The following IL17RD variants were observed in gnomAD, a reference collection of about 807,000 sequenced individuals.
The protein encoded by IL17RD is interleukin-17 receptor D.
In IL17RD, 52 loss-of-function variants were observed where a neutral mutation model predicts 80.5. The observed-to-expected ratio is 0.65, with a 90% CI of 0.52 to 0.81. The LOEUF is 0.81. IL17RD is among the 40% of genes least tolerant of loss of function. The pLI is 0.00. For synonymous variants in IL17RD, 416 were observed against 391.8 expected (o/e 1.06, Z -0.73); for missense variants, 1,024 against 955.1 (o/e 1.07, Z -0.95).
intron 2 of IL17RD, among the ~76,000 whole-genome samples, chr3:57,115,775 G>T (rs1707202934): frequency 6.6e-6 from 1 of 152,056 alleles, no homozygotes; most frequent in East Asian, 1.9e-4. Flanking sequence ...CTCTCTTTTA[G>T]TATCTGCTGC....
Position 57,098,410 on chromosome 3 carries a change from G to A in IL17RD, c.1293C>T (p.Asp431=), listed in dbSNP as rs762421578. 1.5e-5 allele frequency: 25 copies of A among 1,613,834 alleles called. No individual in the cohort carries two copies. The highest frequency in any genetic ancestry group is 2.0e-5 in the Non-Finnish European group (24 of 1,179,878). The change falls in exon 12 of 13, where the codon GAC becomes GAT. Residue 431 remains aspartate, a synonymous_variant. Transcript: ENST00000296318. ...VCSKGMKYFV[D]KKNYKHKGGG... Reference sequence around the variant, plus strand: ...CTCCTTTGTGTTTGTAGTTCTTCTTGTCCACAAAGTACTTCATACCTTTGG... The same window carrying A: ...CTCCTTTGTGTTTGTAGTTCTTCTTATCCACAAAGTACTTCATACCTTTGG...
intron 1 of IL17RD, among the ~76,000 whole-genome samples, chr3:57,135,154 C>A (rs1370841367): frequency 6.7e-6 from 1 of 149,192 alleles, no homozygotes; most frequent in African/African-American, 2.5e-5. Context: ...ACAAAAAAAA[C>A]AAAGAATGGG....
chr3:57,168,516 G>A (rs760209628), upstream of IL17RD, among the ~76,000 whole-genome samples: 24 of 152,270 alleles, frequency 1.6e-4, no homozygotes, highest in Non-Finnish European at 3.2e-4. Context: ...GGGATGGGGA[G>A]GCCCTCCTAT....
chr3:57,098,169 G>C lies in IL17RD; in HGVS notation c.1534C>G (p.His512Asp). The change falls in exon 12 of 13, where the codon CAC becomes GAC. Residue 512 changes from histidine to aspartate, a missense_variant. His to Asp is a moderately conservative substitution (Grantham distance 81). Coordinates refer to ENST00000296318, the MANE Select transcript of IL17RD (RefSeq NM_017563.5). The part of the protein sequence containing the change: ...DNLPQLCSHL[H>D]SRDHGLQEPG... ...TCCTGGAGGCCGTGGTCTCGGGAGT[G>C]CAAGTGGGAACAGAGCTGAGGAAGA... 6.2e-7 allele frequency: 1 copy of C among 1,613,990 alleles called. No homozygotes were observed. The highest frequency in any genetic ancestry group is 1.6e-4 in the Middle Eastern group (1 of 6,062).
chr3:57,122,132 ATAAG>A (rs1328143659), intron 1 of IL17RD, among the ~76,000 whole-genome samples: 2 of 152,236 alleles, frequency 1.3e-5, no homozygotes, highest in Non-Finnish European at 2.9e-5. Context: ...AGAGCCTGGC[ATAAG>A]TAAGTACAGT....
chr3:57,101,422 A>G (rs1163244001), intron 10 of IL17RD, 59 bp from the exon 11 acceptor site: 1 of 1,171,470 alleles, frequency 8.5e-7, no homozygotes, highest in Non-Finnish European at 1.2e-6. Context: ...TCTATTTCCT[A>G]AGAATTGAAA....
upstream of IL17RD, chr3:57,169,266 A>G: frequency 1.9e-6 from 1 of 518,100 alleles, no homozygotes; most frequent in South Asian, 1.4e-5. Context: ...GTCCAGTCAC[A>G]CTTTCAGCCA....
At chr3:57,115,756 T>G (rs1378632436) in intron 2 of IL17RD, among the ~76,000 whole-genome samples, 1 of 152,170 alleles carries the variant, frequency 6.6e-6, no homozygotes, top group African/African-American at 2.4e-5. Context: ...ATGATCAGAC[T>G]TGAACACCCT....
chr3:57,114,677 T>C lies in IL17RD; in HGVS notation c.310+15A>G, dbSNP rs1268512618. Reference sequence around the variant, plus strand: ...ACCCAGGTTATCACCATGCACTCGATTTTTGACCACTCACCGAGGGCCCCT... The same window carrying C: ...ACCCAGGTTATCACCATGCACTCGACTTTTGACCACTCACCGAGGGCCCCT... On this transcript the variant is annotated intron_variant, in intron 3 of 12. Coordinates refer to ENST00000296318, the MANE Select transcript of IL17RD (RefSeq NM_017563.5). 1.4e-5 allele frequency: 22 copies of C among 1,594,084 alleles called. No individual in the cohort carries two copies. Among genetic ancestry groups the C allele is most frequent in the Non-Finnish European group, 1.6e-5 (19 of 1,172,340 alleles).
At chr3:57,145,158 T>G (rs548347533) in intron 1 of IL17RD, among the ~76,000 whole-genome samples, 1 of 152,332 alleles carries the variant, frequency 6.6e-6, no homozygotes, top group East Asian at 1.9e-4. Flanking sequence ...CAGAAAGGCC[T>G]CTGGGACTGT....
Position 57,127,134 on chromosome 3 carries a change from G to GT in IL17RD, c.127-6822dup, listed in dbSNP as rs1707476087. 4.2e-5 allele frequency among the ~76,000 whole-genome samples: 6 copies of GT among 143,664 alleles called. No individual in the cohort carries two copies. The East Asian group carries it at 8.1e-4, about 19-fold the overall frequency. 94.2% of individuals were successfully genotyped at this position (143,664 alleles called of 152,430 possible). On this transcript the variant is annotated intron_variant, in intron 1 of 12. Transcript: ENST00000296318. The stretch of plus-strand genomic sequence containing the variant: ...GCCACTGCACCCGGCCGGAAGATGG[G>GT]TTTTTTTAAAGGTACACCTAGTAAC...
Position 57,106,124 on chromosome 3 carries a change from A to G in IL17RD, c.581T>C (p.Leu194Pro). ...ACDLLLQPDN[L>P]ACKPFWKPRN... ...CTATTACTTACAGGGTTTACAAGCT[A>G]GATTGTCCGGCTGTAACAACAGGTC... is the stretch of plus-strand genomic sequence containing the variant. Residue 194 changes from leucine to proline, a missense_variant, in exon 6 of 13, where the codon CTA (leucine) becomes CCA (proline). Leu to Pro is a moderately conservative substitution (Grantham distance 98). Coordinates refer to ENST00000296318, the MANE Select transcript of IL17RD (RefSeq NM_017563.5). 1.2e-6 allele frequency: 2 copies of G among 1,612,654 alleles called. No homozygotes were observed. Among genetic ancestry groups the G allele is most frequent in the East Asian group, 4.5e-5 (2 of 44,884 alleles).
chr3:57,149,418 T>C, intron 1 of IL17RD, among the ~76,000 whole-genome samples: 1 of 152,222 alleles, frequency 6.6e-6, no homozygotes, highest in Non-Finnish European at 1.5e-5. Flanking sequence ...TGGTAAGTCC[T>C]GTCCATGTTT....
In IL17RD at chr3:57,091,940, T is replaced by C. The variant is rs747174154; in HGVS notation, c.*4453A>G. ...TGAAACTGGAATCAAAGCCACTGGC[T>C]TGCAGTCAGATTTCCTTTTGTCTAT... is the stretch of plus-strand genomic sequence containing the variant. On this transcript the variant is annotated 3_prime_UTR_variant, in exon 13 of 13. Coordinates refer to ENST00000296318, the MANE Select transcript of IL17RD (RefSeq NM_017563.5). 1.3e-5 allele frequency: 2 copies of C among 152,290 alleles called. No individual in the cohort carries two copies. Among genetic ancestry groups the C allele is most frequent in the African/African-American group, 2.4e-5 (1 of 41,454 alleles). The allele number at this position is 152,290 out of a possible 1,614,324, so 9.4% of individuals were successfully genotyped here.
In IL17RD at chr3:57,105,552, A is replaced by AAAAAAAAATATAT; in HGVS notation, c.747+304_747+305insATATATTTTTTTT. Among the ~76,000 whole-genome samples, 179 of 63,540 alleles carry AAAAAAAAATATAT rather than the reference A, an allele frequency of 2.8e-3. 6 individuals carry two copies. The highest frequency in any genetic ancestry group is 0.015 in the African/African-American group (157 of 10,704). The allele number at this position is 63,540 out of a possible 152,430, so 41.7% of individuals were successfully genotyped here. ...ACTCCATCTCAAAAAAAAAAAAAAA[A>AAAAAAAAATATAT]ATATATATATATATATATTTGTTCA... On this transcript the variant is annotated intron_variant, in intron 7 of 12. Coordinates refer to ENST00000296318, the MANE Select transcript of IL17RD (RefSeq NM_017563.5).
chr3:57,103,445 G>C (rs1706883592), intron 8 of IL17RD, among the ~76,000 whole-genome samples: 1 of 152,136 alleles, frequency 6.6e-6, no homozygotes, highest in Non-Finnish European at 1.5e-5. Context: ...TTCTAATAAT[G>C]CTCAATTAAA....
chr3:57,164,806 G>T (rs1470556416), intron 1 of IL17RD: 5 of 795,100 alleles, frequency 6.3e-6, no homozygotes, highest in South Asian at 3.3e-5. Context: ...ATCCCAGCCC[G>T]GGACACGCAG....
chr3:57,156,355 G>A (rs1217099680), intron 1 of IL17RD, among the ~76,000 whole-genome samples: 1 of 152,088 alleles, frequency 6.6e-6, no homozygotes, highest in African/African-American at 2.4e-5. Flanking sequence ...CTTGAGGCCA[G>A]GAATTCAAGA....
intron 11 of IL17RD, among the ~76,000 whole-genome samples, chr3:57,099,631 T>C (rs1706781556): frequency 6.6e-6 from 1 of 152,244 alleles, no homozygotes; most frequent in Non-Finnish European, 1.5e-5. Flanking sequence ...TCTTATACTT[T>C]CCTTAATTCT....
Sources: gnomAD v4.1 joint callset for allele counts (sites outside exome capture counted in the v4.1 genomes callset) on GRCh38, gnomAD v4.1.1 for gene constraint, MANE v1.5 for transcripts, NCBI Gene and HGNC (gene_info 2026-07-23, HGNC 2026-07-21) for gene names.